The following RBMS2 variants were observed in gnomAD, a reference collection of about 807,000 sequenced individuals.
RBMS2 encodes the protein RNA-binding motif, single-stranded-interacting protein 2.
Under a neutral mutation model 58.4 loss-of-function variants are expected in RBMS2, and 38 were observed. That is an observed-to-expected ratio of 0.65 (90% CI 0.50 to 0.85). RBMS2 has a LOEUF of 0.85. Ranked by LOEUF, RBMS2 falls within the 40% of genes least tolerant of loss-of-function variation. The pLI, the probability that RBMS2 is intolerant of heterozygous loss-of-function variation, is 0.00. For synonymous variants in RBMS2, 151 were observed against 180.7 expected (o/e 0.84, Z 1.32); for missense variants, 367 against 503.7 (o/e 0.73, Z 2.60).
intron 1 of RBMS2, among the ~76,000 whole-genome samples, chr12:56,557,726 TTTTTC>T (rs527356817): frequency 2.0e-5 from 3 of 151,358 alleles, no homozygotes; most frequent in African/African-American, 7.4e-5. Context: ...AATAGCCTCT[TTTTTC>T]TTTTCTTTTC....
intron 1 of RBMS2, among the ~76,000 whole-genome samples, chr12:56,524,886 A>AT (rs1162662105): frequency 6.6e-6 from 1 of 150,886 alleles, no homozygotes; most frequent in Non-Finnish European, 1.5e-5. Flanking sequence ...CGCCCAGCTA[A>AT]TTTTTTTGTA....
intron 1 of RBMS2, among the ~76,000 whole-genome samples, chr12:56,528,680 T>C (rs1174193195): frequency 2.0e-5 from 3 of 151,950 alleles, no homozygotes; most frequent in Non-Finnish European, 4.4e-5. Context: ...AAAAAGATAA[T>C]CGAAAGGACA....
chr12:56,583,096 G>A (rs767852517), intron 9 of RBMS2, among the ~76,000 whole-genome samples: 2 of 152,168 alleles, frequency 1.3e-5, no homozygotes, highest in Non-Finnish European at 2.9e-5. Context: ...CCCAATGGGG[G>A]CATTCACTTA....
intron 1 of RBMS2, among the ~76,000 whole-genome samples, chr12:56,531,506 T>C (rs1320733559): frequency 6.6e-6 from 1 of 152,162 alleles, no homozygotes; most frequent in African/African-American, 2.4e-5. Context: ...TGTCTTAGGC[T>C]TTCTGACCTT....
intron 1 of RBMS2, among the ~76,000 whole-genome samples, chr12:56,560,434 T>C (rs1045907187): frequency 6.6e-6 from 1 of 151,542 alleles, no homozygotes; most frequent in African/African-American, 2.4e-5. Flanking sequence ...TTTTTTGTAT[T>C]TTAATAGACA....
intron 1 of RBMS2, among the ~76,000 whole-genome samples, chr12:56,523,238 T>C (rs1260848992): frequency 6.6e-6 from 1 of 152,064 alleles, no homozygotes. Context: ...GGATACAAAG[T>C]AGTAGATATG....
At chr12:56,545,119 G>T (rs1352619983) in intron 1 of RBMS2, among the ~76,000 whole-genome samples, 1 of 151,908 alleles carries the variant, frequency 6.6e-6, no homozygotes, top group Non-Finnish European at 1.5e-5. Context: ...TTGTGCCTTT[G>T]CATCCTCATA....
chr12:56,577,774 C>T (rs895565626), intron 5 of RBMS2, among the ~76,000 whole-genome samples: 3 of 152,086 alleles, frequency 2.0e-5, no homozygotes, highest in Admixed American at 2.0e-4. Flanking sequence ...CCTCTGCCTC[C>T]CAGGTTCAAG....
intron 1 of RBMS2, among the ~76,000 whole-genome samples, chr12:56,555,425 A>C (rs1254330443): frequency 6.8e-6 from 1 of 146,924 alleles, no homozygotes; most frequent in African/African-American, 2.6e-5. Context: ...GGGCAACAAG[A>C]GCAAAACTTG....
intron 2 of RBMS2, 58 bp from the exon 3 acceptor site, chr12:56,568,917 T>C (rs894657348): frequency 7.2e-7 from 1 of 1,383,842 alleles, no homozygotes; most frequent in Non-Finnish European, 1.0e-6. Context: ...TCTGAATCTC[T>C]GTCCTATTCT....
chr12:56,583,093 G>A (rs559953359), intron 9 of RBMS2, among the ~76,000 whole-genome samples: 111 of 152,208 alleles, frequency 7.3e-4, no homozygotes, highest in African/African-American at 2.6e-3. Context: ...ATACCCAATG[G>A]GGGCATTCAC....
chr12:56,589,505 G>A lies in RBMS2; in HGVS notation c.*372G>A. ...TATATGAAAAAGTTTTCGATGTATT[G>A]GAATTATTTGGGAATGCTTTTAAAA... On this transcript the variant is annotated 3_prime_UTR_variant, in exon 14 of 14. Transcript: ENST00000262031. The A allele has an allele frequency of 4.3e-6, 1 of 230,524 alleles. No homozygotes were observed. The highest frequency in any genetic ancestry group is 8.5e-6 in the Non-Finnish European group (1 of 117,652). 14.3% of individuals were successfully genotyped at this position (230,524 alleles called of 1,614,324 possible).
intron 1 of RBMS2, among the ~76,000 whole-genome samples, chr12:56,539,490 C>G (rs956815201): frequency 3.3e-5 from 5 of 152,040 alleles, no homozygotes; most frequent in Non-Finnish European, 5.9e-5. Context: ...TTTAGTTAAA[C>G]CAGTATTCAG....
intron 5 of RBMS2, among the ~76,000 whole-genome samples, chr12:56,578,951 G>A (rs561755002): frequency 1.1e-4 from 16 of 152,036 alleles, no homozygotes; most frequent in African/African-American, 3.4e-4. Context: ...GCAACAGAGC[G>A]AGACTCCATC....
At chr12:56,581,001 A>T (rs7307755) in intron 5 of RBMS2, among the ~76,000 whole-genome samples, 183 bp from the exon 6 acceptor site, 1 of 152,088 alleles carries the variant, frequency 6.6e-6, no homozygotes, top group Non-Finnish European at 1.5e-5. Flanking sequence ...AAGAACCTTC[A>T]TTACAAGCTG....
chr12:56,552,080 T>C (rs1465019806), intron 1 of RBMS2, among the ~76,000 whole-genome samples: 1 of 152,126 alleles, frequency 6.6e-6, no homozygotes, highest in South Asian at 2.1e-4. Flanking sequence ...GAGGAAGGCA[T>C]GAAAAGCCTG....
At chr12:56,547,181 T>C (rs1016173453) in intron 1 of RBMS2, among the ~76,000 whole-genome samples, 2 of 151,806 alleles carry the variant, frequency 1.3e-5, no homozygotes, top group Non-Finnish European at 2.9e-5. Context: ...TGAAACCCCA[T>C]CTCTGCTAAA....
chr12:56,543,863 T>C (rs1876625757), intron 1 of RBMS2, among the ~76,000 whole-genome samples: 1 of 150,054 alleles, frequency 6.7e-6, no homozygotes, highest in South Asian at 2.1e-4. Context: ...AGATGGGGTT[T>C]CACTATGTTG....
rs546716994 is a variant in RBMS2 at position 56,521,975 on chromosome 12, C to T, written c.-49C>T. ...CCTCCCCGTCTTTCTTACCCCCTCC[C>T]TTTCTCTCTCTCTCTCTCTCTCGCT... On this transcript the variant is annotated 5_prime_UTR_variant, in exon 1 of 14. Transcript: ENST00000262031. The T allele has an allele frequency of 3.6e-6, 4 of 1,102,098 alleles. No individual in the cohort carries two copies. The highest frequency in any genetic ancestry group is 5.9e-5 in the East Asian group (2 of 33,660). 68.3% of individuals were successfully genotyped at this position (1,102,098 alleles called of 1,614,324 possible).
Sources: allele counts gnomAD v4.1 joint callset (sites outside exome capture counted in the v4.1 genomes callset), GRCh38; gene constraint gnomAD v4.1.1; transcripts MANE v1.5; gene names NCBI Gene and HGNC (gene_info 2026-07-23, HGNC 2026-07-21).